SETD1A: variants seen among roughly 807,000 people sequenced by gnomAD.
SETD1A encodes the protein SET domain containing 1A, histone lysine methyltransferase.
A neutral mutation model predicts 149.9 loss-of-function variants in SETD1A; 29 were observed. The observed-to-expected ratio is 0.19, with a 90% CI of 0.14 to 0.26. SETD1A has a LOEUF of 0.26. Among genes scored for constraint, SETD1A ranks in the 10% least tolerant of loss-of-function variants. SETD1A has a pLI of 1.00. For synonymous variants in SETD1A, 1,141 were observed against 968.5 expected (o/e 1.18, Z -3.31); for missense variants, 2,109 against 2,353.1 (o/e 0.90, Z 2.15).
intron 8 of SETD1A, 93 bp downstream of exon 8, chr16:30,966,479 G>A (rs2056149172): frequency 8.2e-6 from 12 of 1,466,074 alleles, no homozygotes; most frequent in African/African-American, 5.7e-5. Context: ...GAGGAGACAG[G>A]TGATGGAGGC....
chr16:30,968,500 A>ATG (rs2056181772), intron 10 of SETD1A, among the ~76,000 whole-genome samples: 1 of 151,104 alleles, frequency 6.6e-6, no homozygotes, highest in Non-Finnish European at 1.5e-5. Flanking sequence ...ACACACACAT[A>ATG]TGCGTATCTG....
rs916947705 is a variant in SETD1A, at chr16:30,984,545, G to A, written c.*522G>A. ...CCCTTCCACCCTGGTGTCACTCCCC[G>A]GCTCAGCCAGGCCAGGATGGCGGGG... On this transcript the variant is annotated 3_prime_UTR_variant, in exon 19 of 19. Coordinates refer to ENST00000262519, the MANE Select transcript of SETD1A (RefSeq NM_014712.3). The A allele has an allele frequency of 1.4e-4, 22 of 159,426 alleles. No individual in the cohort carries two copies. Among genetic ancestry groups the A allele is most frequent in the East Asian group, 1.9e-4 (1 of 5,304 alleles). The allele number at this position is 159,426 out of a possible 1,614,324, so 9.9% of individuals were successfully genotyped here. A position where few individuals can be genotyped will look rare whatever the true frequency, so the allele number is the denominator to read the frequency against.
rs370444631 is a variant in SETD1A, at chr16:30,971,558, A to T, written c.3197A>T (p.Glu1066Val). The change falls in exon 13 of 19, where the codon GAG (glutamate) becomes GTG (valine). Residue 1066 changes from glutamate to valine, a missense_variant. By Grantham distance (121) the Glu-to-Val change is moderately radical. Coordinates refer to ENST00000262519, the MANE Select transcript of SETD1A (RefSeq NM_014712.3). ...TCTGAGTCCTCCTCTGAAGATGAAGAGGAAGAGGAGCGGCCAGCAGCCCTT... is the reference window on the plus strand; with the variant it reads ...TCTGAGTCCTCCTCTGAAGATGAAGTGGAAGAGGAGCGGCCAGCAGCCCTT... Reference protein sequence around the residue: ...SSSESSSEDEEEEERPAALPS... With the variant: ...SSSESSSEDEVEEERPAALPS... 38 of 1,613,708 alleles carry T rather than the reference A, an allele frequency of 2.4e-5. 1 individual carries two copies. The highest frequency in any genetic ancestry group is 2.9e-5 in the Non-Finnish European group (34 of 1,179,932).
chr16:30,966,511 C>T, intron 8 of SETD1A, 125 bp downstream of exon 8: 1 of 1,409,300 alleles, frequency 7.1e-7, no homozygotes, highest in African/African-American at 1.4e-5. Flanking sequence ...GGCCGCAGGC[C>T]CTGCAGGCCA....
intron 13 of SETD1A, among the ~76,000 whole-genome samples, chr16:30,975,278 C>G (rs1323685265): frequency 6.6e-6 from 1 of 152,038 alleles, no homozygotes; most frequent in African/African-American, 2.4e-5. Context: ...CCACTGCACT[C>G]CAGCCTGGGC....
intron 4 of SETD1A, among the ~76,000 whole-genome samples, chr16:30,962,034 AGTCTC>A (rs2056059097): frequency 1.3e-5 from 2 of 150,892 alleles, no homozygotes; most frequent in Non-Finnish European, 2.9e-5. Context: ...GCAGAGATGA[AGTCTC>A]ACTACACTGC....
At chr16:30,971,748 C>A (rs371050040) in intron 13 of SETD1A, 29 bp downstream of exon 13, 2 of 1,527,458 alleles carry the variant, frequency 1.3e-6, no homozygotes, top group African/African-American at 1.4e-5. Flanking sequence ...TCGGTTAGAT[C>A]GCTGTGTGTG....
At chr16:30,972,596 A>G (rs951795454) in intron 13 of SETD1A, among the ~76,000 whole-genome samples, 18 of 150,750 alleles carry the variant, frequency 1.2e-4, no homozygotes, top group African/African-American at 3.9e-4. Flanking sequence ...CCGAGATCGC[A>G]CCACTACACT....
chr16:30,969,728 G>C (rs1160336928), intron 12 of SETD1A, 39 bp downstream of exon 12: 1 of 1,543,454 alleles, frequency 6.5e-7, no homozygotes, highest in South Asian at 1.1e-5. Context: ...GGGCTCGGAG[G>C]AGGGGTTCGG....
rs549290347 is a variant in SETD1A at position 30,964,899 on chromosome 16, G to A, written c.1157G>A (p.Arg386Gln). The A allele has an allele frequency of 3.3e-5, 53 of 1,614,118 alleles. No homozygotes were observed. The South Asian group carries it at 3.4e-4, about 10-fold the overall frequency. The stretch of plus-strand genomic sequence containing the variant: ...CGCCATACTTCCTACCCACCACGCC[G>A]GGCCACACGGGAGGAACCCCCTGGA... ...YQRHTSYPPR[R>Q]ATREEPPGAP... The change falls in exon 7 of 19, where the codon CGG becomes CAG. Residue 386 changes from arginine (R) to glutamine (Q), a missense_variant. Transcript: ENST00000262519.
In SETD1A at chr16:30,965,675, G is replaced by T. The variant is rs762712797; in HGVS notation, c.1794G>T (p.Pro598=). 1.7e-5 allele frequency: 20 copies of T among 1,153,848 alleles called. No individual in the cohort carries two copies. In the African/African-American group the frequency reaches 3.9e-4, roughly 23 times the overall value. The allele number at this position is 1,153,848 out of a possible 1,614,324, so 71.5% of individuals were successfully genotyped here. Residue 598 remains proline (P), a synonymous_variant, in exon 8 of 19, where the codon CCG becomes CCT. Transcript: ENST00000262519. ...DDRGGSPPPA[P]TPPQQPPPPP... is the part of the protein sequence containing the mutation. ...GGGGTGGCTCACCCCCTCCGGCCCC[G>T]ACGCCCCCTCAGCAGCCTCCGCCAC...
chr16:30,972,866 A>AG (rs1567358825), intron 13 of SETD1A, among the ~76,000 whole-genome samples: 1 of 151,110 alleles, frequency 6.6e-6, no homozygotes, highest in Admixed American at 6.6e-5. Flanking sequence ...AAAAAAAAAA[A>AG]GAGAGAATAC....
intron 1 of SETD1A, 113 bp from the exon 2 acceptor site, chr16:30,958,604 G>T: frequency 1.1e-6 from 1 of 896,614 alleles, no homozygotes; most frequent in South Asian, 1.6e-5. Context: ...CAGGGTGAGG[G>T]TTGGAAACTG....
intron 4 of SETD1A, among the ~76,000 whole-genome samples, 175 bp from the exon 5 acceptor site, chr16:30,963,247 TGGTAGTTTAGA>T (rs2056078476): frequency 6.6e-6 from 1 of 152,136 alleles, no homozygotes; most frequent in Non-Finnish European, 1.5e-5. Flanking sequence ...ATGTTGTTTG[TGGTAGTTTAGA>T]GGTAGAGATA....
At chr16:30,975,115 T>A (rs1223187448) in intron 13 of SETD1A, among the ~76,000 whole-genome samples, 1 of 150,624 alleles carries the variant, frequency 6.6e-6, no homozygotes, top group African/African-American at 2.5e-5. Flanking sequence ...GCCACTGCAC[T>A]CCAGCCTGGT....
rs374501531 is a variant in SETD1A, at chr16:30,961,408, C to G, written c.388C>G (p.Arg130Gly). Residue 130 changes from arginine (R) to glycine (G), a missense_variant, in exon 4 of 19, where the codon CGT (arginine) becomes GGT (glycine). Around this residue, in one of 8 missense-constraint regions of SETD1A, gnomAD observed 62 missense variants for 149.5 expected, o/e 0.41. Transcript: ENST00000262519. This position sits in a 1 kb window ranked among gnomAD's most constrained non-coding sequence, Gnocchi z 4.0. ...VEEVEILLHP[R>G]TRKHLGLARV... ...AGAGGTAGAGATCCTCCTTCACCCC[C>G]GTACGCGCAAGCACCTGGGCCTGGC... The G allele has an allele frequency of 6.2e-7, 1 of 1,614,206 alleles. No individual in the cohort carries two copies. The highest frequency in any genetic ancestry group is 8.5e-7 in the Non-Finnish European group (1 of 1,180,044).
intron 3 of SETD1A, among the ~76,000 whole-genome samples, chr16:30,959,454 C>T (rs2056016711): frequency 6.6e-6 from 1 of 152,182 alleles, no homozygotes; most frequent in Admixed American, 6.5e-5. Context: ...CTATACCTAT[C>T]ACTGTATATT....
In SETD1A at chr16:30,966,920, G is replaced by A; in HGVS notation, c.2542G>A (p.Glu848Lys). The change falls in exon 9 of 19, where the codon GAG (glutamate) becomes AAG (lysine). Residue 848 changes from glutamate to lysine, a missense_variant. By Grantham distance (56) the Glu-to-Lys change is moderately conservative. This residue lies in a region of SETD1A where 832 missense variants were observed against 815.6 expected (regional missense o/e 1.02). Transcript: ENST00000262519. Reference sequence around the variant, plus strand: ...CGCGGCCAAGCAGCAAGCCAAGGAGGAGGATAAAGAGAAGACGAAGCTGAA... The same window carrying A: ...CGCGGCCAAGCAGCAAGCCAAGGAGAAGGATAAAGAGAAGACGAAGCTGAA... ...QNAAKQQAKEEDKEKTKLKEP... is the reference protein window; with the variant it reads ...QNAAKQQAKEKDKEKTKLKEP... 1 of 1,570,962 alleles carries A rather than the reference G, an allele frequency of 6.4e-7. No homozygotes were observed. Among genetic ancestry groups the A allele is most frequent in the Admixed American group, 1.9e-5 (1 of 52,540 alleles).
intron 13 of SETD1A, among the ~76,000 whole-genome samples, chr16:30,974,909 G>C (rs1245557046): frequency 2.6e-5 from 4 of 152,160 alleles, no homozygotes; most frequent in Admixed American, 1.3e-4. Context: ...TGGGAGGGCT[G>C]AGGCGGGCAG....
Sources: gnomAD v4.1 joint callset for allele counts (sites outside exome capture counted in the v4.1 genomes callset) on GRCh38, gnomAD v4.1.1 for gene constraint, gnomAD v4.1.1 regional missense constraint, Gnocchi (gnomAD v3.1) non-coding constraint, MANE v1.5 for transcripts, NCBI Gene and HGNC (gene_info 2026-07-23, HGNC 2026-07-21) for gene names.